BZW1: variants seen among roughly 807,000 people sequenced by gnomAD.
BZW1 encodes the protein basic leucine zipper and W2 domains 1, also known as eIF5-mimic protein 2.
Under a neutral mutation model 54.1 loss-of-function variants are expected in BZW1, and 3 were observed. The observed-to-expected ratio is 0.06, with a 90% confidence interval of 0.03 to 0.14. The LOEUF (loss-of-function observed/expected upper bound fraction) is 0.14, where lower values mean the gene tolerates loss of function less well. Ranked by LOEUF, BZW1 falls within the 10% of genes least tolerant of loss-of-function variation. The pLI is 1.00. For missense variants in BZW1, 206 were observed against 491.7 expected, an observed-to-expected ratio of 0.42 and a Z score of 5.50; for synonymous variants, 152 against 162.7, an observed-to-expected ratio of 0.93 and a Z score of 0.50.
intron 5 of BZW1, 33 bp from the exon 6 acceptor site, chr2:200,817,073 T>C (rs1316519596): frequency 9.3e-6 from 15 of 1,606,456 alleles, no homozygotes; most frequent in Non-Finnish European, 1.3e-5. Context: ...ATGCAGTTGC[T>C]GTTTTAACCC....
At chr2:200,815,308 A>G in intron 2 of BZW1, 33 bp from the exon 3 acceptor site, 1 of 1,559,234 alleles carries the variant, frequency 6.4e-7, no homozygotes, top group Non-Finnish European at 8.7e-7. Context: ...AAATCTTTTA[A>G]AACTAAATGT....
At chr2:200,812,158 C>T in intron 1 of BZW1, 168 bp downstream of exon 1, 1 of 1,136,852 alleles carries the variant, frequency 8.8e-7, no homozygotes. Context: ...GCCGCTTCGG[C>T]AGGGAGGCCG....
chr2:200,820,334 C>G, intron 10 of BZW1: 1 of 394,726 alleles, frequency 2.5e-6, no homozygotes, highest in South Asian at 4.0e-5. Context: ...AAATCTAAAG[C>G]CATCATTATG....
At position 200,826,188 on chromosome 2, in the gene BZW1, T is replaced by G. The variant is rs1247424878; in HGVS notation, c.*4010T>G. 6.6e-6 allele frequency: 1 copy of G among 152,166 alleles called. No homozygotes were observed. The highest frequency in any genetic ancestry group is 1.5e-5 in the Non-Finnish European group (1 of 68,026). 9.4% of individuals were successfully genotyped at this position (152,166 alleles called of 1,614,324 possible). A position where few individuals can be genotyped will look rare whatever the true frequency, so the allele number is the denominator to read the frequency against. ...ATATCTGAACAATCTTAGACATAAT[T>G]ATATGAAACTGGATCAGAAAGGCTT... On this transcript the variant is annotated 3_prime_UTR_variant, in exon 12 of 12. Transcript: ENST00000409600.
At position 200,826,985 on chromosome 2, in the gene BZW1, T is replaced by TA. The variant is rs1237312824; in HGVS notation, c.*4808dup. On this transcript the variant is annotated 3_prime_UTR_variant, in exon 12 of 12. Transcript: ENST00000409600. ...AATCCTGAAGGCTATGCTTAAAAGTTAGAGATAAACCTGTTGGAAATAAGT... is the reference window on the plus strand; with the variant it reads ...AATCCTGAAGGCTATGCTTAAAAGTTAAGAGATAAACCTGTTGGAAATAAGT... 7 of 152,234 alleles carry TA rather than the reference T, an allele frequency of 4.6e-5. No homozygotes were observed. The highest frequency in any genetic ancestry group is 4.1e-4 in the South Asian group (2 of 4,830). The allele number at this position is 152,234 out of a possible 1,614,324, so 9.4% of individuals were successfully genotyped here. A position where few individuals can be genotyped will look rare whatever the true frequency, so the allele number is the denominator to read the frequency against.
rs1051332193 is a variant in BZW1 at position 200,824,045 on chromosome 2, A to C, written c.*1867A>C. On this transcript the variant is annotated 3_prime_UTR_variant, in exon 12 of 12. Coordinates refer to ENST00000409600, the MANE Select transcript of BZW1 (RefSeq NM_001207067.2). ...AATTCATTGCATGTTTCTTCCATAC[A>C]AAGTGTGCCATTTTATACTGTGTAT... 1 of 152,214 alleles carries C rather than the reference A, an allele frequency of 6.6e-6. No homozygotes were observed. The highest frequency in any genetic ancestry group is 2.4e-5 in the African/African-American group (1 of 41,458). The allele number at this position is 152,214 out of a possible 1,614,324, so 9.4% of individuals were successfully genotyped here.
intron 3 of BZW1, 44 bp from the exon 4 acceptor site, chr2:200,815,623 T>G (rs1259517113): frequency 6.3e-7 from 1 of 1,582,974 alleles, no homozygotes. Flanking sequence ...TAAAATGGAG[T>G]GATTTTTTTG....
At chr2:200,811,718 G>A (rs2270282), upstream of BZW1, 71,519 of 152,420 alleles carry the variant, frequency 0.47, 17,535 homozygotes, top group Non-Finnish European at 0.56. Context: ...TCCAGGCGAC[G>A]TGGAACCCAG....
In BZW1 at chr2:200,822,128, T is replaced by G; in HGVS notation, c.1229-19T>G. The G allele has an allele frequency of 6.3e-7, 1 of 1,596,618 alleles. No individual in the cohort carries two copies. The highest frequency in any genetic ancestry group is 8.6e-7 in the Non-Finnish European group (1 of 1,169,248). ...CCTTCTGATACATAATGTTTGACTGTTTTTTTCCCCTTTTCTAGAATCTGA... is the reference window on the plus strand; with the variant it reads ...CCTTCTGATACATAATGTTTGACTGGTTTTTTCCCCTTTTCTAGAATCTGA... On this transcript the variant is annotated intron_variant, in intron 11 of 11. Coordinates refer to ENST00000409600, the MANE Select transcript of BZW1 (RefSeq NM_001207067.2).
rs544261132 is a variant in BZW1 at position 200,816,427 on chromosome 2, A to T, written c.402+37A>T. On this transcript the variant is annotated intron_variant, in intron 5 of 11. Coordinates refer to ENST00000409600, the MANE Select transcript of BZW1 (RefSeq NM_001207067.2). ...AATGTACTTTGTGGAAAAGAAAAAA[A>T]TAGGGTTAGAAAGAGGAATGTTAAA... The T allele has an allele frequency of 2.1e-6, 3 of 1,408,834 alleles. No homozygotes were observed. In the African/African-American group the frequency reaches 4.3e-5, roughly 20 times the overall value. The allele number at this position is 1,408,834 out of a possible 1,614,324, so 87.3% of individuals were successfully genotyped here. A position where few individuals can be genotyped will look rare whatever the true frequency, so the allele number is the denominator to read the frequency against.
chr2:200,826,878 T>C lies in BZW1; in HGVS notation c.*4700T>C, dbSNP rs905032192. ...GTCAGTGTAACCATTTAAAAATACC[T>C]TGGCAAAACAAGCTAGGAGCTAGTT... On this transcript the variant is annotated 3_prime_UTR_variant, in exon 12 of 12. Coordinates refer to ENST00000409600, the MANE Select transcript of BZW1 (RefSeq NM_001207067.2). The C allele has an allele frequency of 2.6e-5, 4 of 152,130 alleles. No homozygotes were observed. The highest frequency in any genetic ancestry group is 1.3e-4 in the Admixed American group (2 of 15,264). 9.4% of individuals were successfully genotyped at this position (152,130 alleles called of 1,614,324 possible).
intron 11 of BZW1, among the ~76,000 whole-genome samples, chr2:200,821,785 T>C (rs990053529): frequency 1.3e-5 from 2 of 152,136 alleles, no homozygotes; most frequent in Non-Finnish European, 2.9e-5. Context: ...CAAAGTTACA[T>C]GGAGGCTGGG....
rs908571197 is a variant in BZW1, at chr2:200,815,331, G to T, written c.65-10G>T. On this transcript the variant is annotated splice_polypyrimidine_tract_variant and intron_variant, in intron 2 of 11. Coordinates refer to ENST00000409600, the MANE Select transcript of BZW1 (RefSeq NM_001207067.2). ...TAAAACTAAATGTTTTGGGTCCCTT[G>T]TCCCCCCAGATGAAAAAGAGAGGTT... is the stretch of plus-strand genomic sequence containing the variant. 1 of 1,585,868 alleles carries T rather than the reference G, an allele frequency of 6.3e-7. No individual in the cohort carries two copies.
intron 10 of BZW1, among the ~76,000 whole-genome samples, chr2:200,820,749 C>CTGG (rs2038479398): frequency 6.6e-6 from 1 of 152,184 alleles, no homozygotes. Context: ...AGTCATAGCT[C>CTGG]TGGAGTCTTC....
At chr2:200,812,717 G>A in intron 1 of BZW1, 2 of 803,144 alleles carry the variant, frequency 2.5e-6, no homozygotes, top group Non-Finnish European at 4.2e-6. Flanking sequence ...CGCTGTTGCG[G>A]TCACAGGCAT....
intron 1 of BZW1, chr2:200,812,750 C>G: frequency 1.4e-6 from 1 of 726,790 alleles, no homozygotes. Context: ...GATGGTGCTG[C>G]CCGTAACCAG....
chr2:200,819,124 G>C (rs985675669), intron 9 of BZW1: 3 of 517,858 alleles, frequency 5.8e-6, no homozygotes, highest in Non-Finnish European at 9.8e-6. Flanking sequence ...AGGCACAATG[G>C]CTCACGCCTG....
intron 6 of BZW1, among the ~76,000 whole-genome samples, chr2:200,817,551 C>T (rs1019467784): frequency 2.0e-5 from 3 of 151,944 alleles, no homozygotes; most frequent in Non-Finnish European, 2.9e-5. Flanking sequence ...GAGAAGATGA[C>T]GTTTGGGGAA....
intron 1 of BZW1, chr2:200,812,556 G>T: frequency 1.4e-6 from 2 of 1,409,320 alleles, no homozygotes; most frequent in Non-Finnish European, 1.8e-6. Context: ...GGTCCTGGGC[G>T]GGAAGCGGGT....
Sources: allele counts gnomAD v4.1 joint callset (sites outside exome capture counted in the v4.1 genomes callset), GRCh38; gene constraint gnomAD v4.1.1; transcripts MANE v1.5; gene names NCBI Gene and HGNC (gene_info 2026-07-23, HGNC 2026-07-21).